GLRA3: variants seen among roughly 807,000 people sequenced by gnomAD.
The protein encoded by GLRA3 is glycine receptor alpha 3.
Under a neutral mutation model 60.4 loss-of-function variants are expected in GLRA3, and 44 were observed. That is an observed-to-expected ratio of 0.73 (90% CI 0.57 to 0.94). The LOEUF (loss-of-function observed/expected upper bound fraction) is 0.94. Among genes scored for constraint, GLRA3 ranks in the 40% least tolerant of loss-of-function variants. GLRA3 has a pLI of 0.00. For synonymous variants in GLRA3, 223 were observed against 192.9 expected (o/e 1.16, Z -1.29); for missense variants, 508 against 564.6 (o/e 0.90, Z 1.02).
At chr4:174,678,899 A>G (rs762359777) in intron 6 of GLRA3, among the ~76,000 whole-genome samples, 1 of 152,222 alleles carries the variant, frequency 6.6e-6, no homozygotes, top group Non-Finnish European at 1.5e-5. Flanking sequence ...AAGTAATCCC[A>G]TAGCATAATT....
intron 5 of GLRA3, among the ~76,000 whole-genome samples, chr4:174,704,538 T>A (rs1328501049): frequency 1.4e-5 from 2 of 143,180 alleles, no homozygotes; most frequent in African/African-American, 5.0e-5. Flanking sequence ...AAAATATGGC[T>A]GCTTTTTAAA....
intron 1 of GLRA3, among the ~76,000 whole-genome samples, chr4:174,807,573 T>C (rs1166473973): frequency 6.6e-6 from 1 of 152,106 alleles, no homozygotes; most frequent in African/African-American, 2.4e-5. Flanking sequence ...TAAGCTTAAA[T>C]AGAGAATTGT....
chr4:174,755,298 A>G (rs1449397999), intron 3 of GLRA3, among the ~76,000 whole-genome samples: 1 of 152,202 alleles, frequency 6.6e-6, no homozygotes, highest in Non-Finnish European at 1.5e-5. Flanking sequence ...TAATGATACA[A>G]TGATGAGCAA....
chr4:174,814,266 G>T (rs1431021751), intron 1 of GLRA3, among the ~76,000 whole-genome samples: 1 of 152,198 alleles, frequency 6.6e-6, no homozygotes, highest in Non-Finnish European at 1.5e-5. Flanking sequence ...GGTGGTGAAT[G>T]TAGAGGATTA....
intron 5 of GLRA3, among the ~76,000 whole-genome samples, chr4:174,707,449 A>C (rs1455864581): frequency 1.3e-5 from 2 of 152,112 alleles, no homozygotes; most frequent in East Asian, 3.8e-4. Flanking sequence ...CTGAGTCAAG[A>C]CTGTTTTGCA....
At chr4:174,810,160 T>C (rs1740203604) in intron 1 of GLRA3, among the ~76,000 whole-genome samples, 1 of 151,946 alleles carries the variant, frequency 6.6e-6, no homozygotes. Flanking sequence ...AAACCAGAAA[T>C]ATGAGAAATT....
rs1739464618 is a variant in GLRA3 at position 174,793,959 on chromosome 4, C to A, written c.72-5016G>T. 2.0e-5 allele frequency among the ~76,000 whole-genome samples: 3 copies of A among 151,978 alleles called. No homozygotes were observed. The South Asian group carries it at 6.2e-4, about 31-fold the overall frequency. On this transcript the variant is annotated intron_variant, in intron 1 of 9. Transcript: ENST00000274093. ...ATTTAAGATTTTCACTATCTACCAA[C>A]AACTTTGACAAAAAAGTAATTTTAT...
chr4:174,822,760 A>G (rs1246501923), intron 1 of GLRA3, among the ~76,000 whole-genome samples: 10 of 152,218 alleles, frequency 6.6e-5, no homozygotes, highest in Non-Finnish European at 1.3e-4. Context: ...CATCGCTTAC[A>G]TCGGAAATGC....
intron 2 of GLRA3, among the ~76,000 whole-genome samples, chr4:174,773,920 C>A (rs1051855742): frequency 6.6e-6 from 1 of 151,608 alleles, no homozygotes; most frequent in Admixed American, 6.6e-5. Flanking sequence ...TGTGGAAAAG[C>A]TCCACATGCA....
intron 5 of GLRA3, among the ~76,000 whole-genome samples, chr4:174,686,596 ATAT>A (rs1734561466): frequency 2.0e-5 from 3 of 152,184 alleles, no homozygotes; most frequent in Non-Finnish European, 2.9e-5. Context: ...GCAATGTGAG[ATAT>A]TATTGCCGAG....
At chr4:174,744,348 C>T (rs1433622513) in intron 3 of GLRA3, among the ~76,000 whole-genome samples, 1 of 152,240 alleles carries the variant, frequency 6.6e-6, no homozygotes, top group Non-Finnish European at 1.5e-5. Context: ...AAGAGGCCTG[C>T]CTGGTCCTAC....
chr4:174,650,885 T>C (rs1328308028), intron 9 of GLRA3, among the ~76,000 whole-genome samples: 1 of 152,186 alleles, frequency 6.6e-6, no homozygotes, highest in Non-Finnish European at 1.5e-5. Context: ...GAGCTTGTCC[T>C]GAGTATCAAC....
intron 1 of GLRA3, among the ~76,000 whole-genome samples, chr4:174,807,857 A>T (rs1740110175): frequency 6.6e-6 from 1 of 152,164 alleles, no homozygotes; most frequent in African/African-American, 2.4e-5. Context: ...CTCTACCTGC[A>T]TAAATGCTCT....
At chr4:174,746,788 A>T (rs1259463281) in intron 3 of GLRA3, among the ~76,000 whole-genome samples, 1 of 152,220 alleles carries the variant, frequency 6.6e-6, no homozygotes, top group Non-Finnish European at 1.5e-5. Flanking sequence ...TGACTTGAAC[A>T]CTACACATTC....
At chr4:174,806,924 T>A (rs1740075086) in intron 1 of GLRA3, among the ~76,000 whole-genome samples, 2 of 152,040 alleles carry the variant, frequency 1.3e-5, no homozygotes, top group Admixed American at 6.6e-5. Context: ...GAAATACCAA[T>A]AAAGTCTCTG....
At chr4:174,682,997 A>ATTTGCATTTCTTTTCTT in intron 5 of GLRA3, 58 bp from the exon 6 acceptor site, 3 of 1,394,792 alleles carry the variant, frequency 2.2e-6, no homozygotes, top group Non-Finnish European at 3.0e-6. Flanking sequence ...AAGAAAAGAA[A>ATTTGCATTTCTTTTCTT]TGCAAATTAC....
At chr4:174,826,661 TG>T (rs764743586) in intron 1 of GLRA3, among the ~76,000 whole-genome samples, 7 of 152,222 alleles carry the variant, frequency 4.6e-5, no homozygotes, top group African/African-American at 7.2e-5. Flanking sequence ...TAAATATCTG[TG>T]GTTTCTGGTT....
intron 6 of GLRA3, among the ~76,000 whole-genome samples, chr4:174,681,690 G>C (rs777853331): frequency 6.6e-6 from 1 of 152,122 alleles, no homozygotes; most frequent in Non-Finnish European, 1.5e-5. Context: ...CCAGAACTGC[G>C]AGAGAACACA....
At chr4:174,778,744 G>A (rs1357711988) in intron 2 of GLRA3, among the ~76,000 whole-genome samples, 2 of 152,222 alleles carry the variant, frequency 1.3e-5, no homozygotes, top group Non-Finnish European at 2.9e-5. Context: ...ACTCCCACCC[G>A]AATACTGCGC....
Sources: gnomAD v4.1 joint callset for allele counts (sites outside exome capture counted in the v4.1 genomes callset) on GRCh38, gnomAD v4.1.1 for gene constraint, MANE v1.5 for transcripts, NCBI Gene and HGNC (gene_info 2026-07-23, HGNC 2026-07-21) for gene names.